The following NEDD4L variants were observed in gnomAD, a reference collection of about 807,000 sequenced individuals.
NEDD4L encodes the protein E3 ubiquitin-protein ligase NEDD4-like.
In NEDD4L, 54 loss-of-function variants were observed where a neutral mutation model predicts 148.9. The ratio of observed to expected loss-of-function variants is 0.36; its 90% CI spans 0.29 to 0.45. The LOEUF (loss-of-function observed/expected upper bound fraction) is 0.45. NEDD4L is among the 20% of genes least tolerant of loss of function. The pLI, the probability that NEDD4L is intolerant of heterozygous loss-of-function variation, is 1.00. For missense variants in NEDD4L, 856 were observed against 1,233.8 expected (o/e 0.69, Z 4.59); for synonymous variants, 433 against 440.7 (o/e 0.98, Z 0.22).
chr18:58,162,373 T>A (rs1338682073), intron 1 of NEDD4L, among the ~76,000 whole-genome samples: 2 of 152,094 alleles, frequency 1.3e-5, no homozygotes, highest in Non-Finnish European at 1.5e-5. Flanking sequence ...CGGGGCTTGC[T>A]GTCAGCTCTT....
rs137924079 is a variant in NEDD4L at position 58,367,590 on chromosome 18, A to G, written c.2064-156A>G. Among the ~76,000 whole-genome samples, 85 of 152,348 alleles carry G rather than the reference A, an allele frequency of 5.6e-4. No individual in the cohort carries two copies. The Middle Eastern group carries it at 0.014, about 24-fold the overall frequency. ...CCTCCATGGTGGGTCACGGTTGAGC[A>G]TGTGGTAAGTCAGGTCCTCTAGCCC... is the stretch of plus-strand genomic sequence containing the variant. On this transcript the variant is annotated intron_variant, in intron 21 of 30. Coordinates refer to ENST00000400345, the MANE Select transcript of NEDD4L (RefSeq NM_001144967.3).
rs1187866337 is a variant in NEDD4L, at chr18:58,387,634, C to G, written c.2547+136C>G. On this transcript the variant is annotated intron_variant, in intron 27 of 30. Coordinates refer to ENST00000400345, the MANE Select transcript of NEDD4L (RefSeq NM_001144967.3). ...TTTAGATGAATTATATTACATGTCT[C>G]TTATAGGGCTTATTTGCCAATGTGG... The G allele has an allele frequency of 1.4e-5, 14 of 993,384 alleles. No individual in the cohort carries two copies. The South Asian group carries it at 1.4e-4, about 10-fold the overall frequency. The allele number at this position is 993,384 out of a possible 1,614,324, so 61.5% of individuals were successfully genotyped here. A position where few individuals can be genotyped will look rare whatever the true frequency, so the allele number is the denominator to read the frequency against.
intron 2 of NEDD4L, among the ~76,000 whole-genome samples, chr18:58,212,582 A>T (rs142083554): frequency 1.3e-5 from 2 of 152,296 alleles, no homozygotes; most frequent in East Asian, 3.9e-4. Context: ...GGATTATTAC[A>T]GTTCAAGGTG....
chr18:58,066,526 G>A (rs1204932569), intron 1 of NEDD4L, among the ~76,000 whole-genome samples: 1 of 151,402 alleles, frequency 6.6e-6, no homozygotes, highest in Admixed American at 6.6e-5. Flanking sequence ...AACCATGTTG[G>A]CCAGGCTGGT....
chr18:58,293,542 C>A (rs2055082383), intron 5 of NEDD4L, among the ~76,000 whole-genome samples: 1 of 152,172 alleles, frequency 6.6e-6, no homozygotes, highest in African/African-American at 2.4e-5. Context: ...TCTGAAGAAT[C>A]CATCAACCAT....
chr18:58,211,215 A>G (rs935735535), intron 2 of NEDD4L, among the ~76,000 whole-genome samples: 3 of 152,254 alleles, frequency 2.0e-5, no homozygotes, highest in Non-Finnish European at 4.4e-5. Flanking sequence ...CTTACATTTT[A>G]CAATTAGTAT....
Position 58,256,428 on chromosome 18 carries a change from G to A in NEDD4L, c.297+4374G>A. ...GGGCCAGGCAGCGACCTCAACTTTGGCTTCACGGGCACAAAGGGGGACAGG... is the reference window on the plus strand; with the variant it reads ...GGGCCAGGCAGCGACCTCAACTTTGACTTCACGGGCACAAAGGGGGACAGG... On this transcript the variant is annotated intron_variant, in intron 5 of 30. Transcript: ENST00000400345. This position sits in a 1 kb window ranked among gnomAD's most constrained non-coding sequence, Gnocchi z 5.2. 8.1e-7 allele frequency: 1 copy of A among 1,232,316 alleles called. No homozygotes were observed. Among genetic ancestry groups the A allele is most frequent in the Non-Finnish European group, 1.0e-6 (1 of 988,080 alleles). The allele number at this position is 1,232,316 out of a possible 1,614,324, so 76.3% of individuals were successfully genotyped here.
intron 16 of NEDD4L, among the ~76,000 whole-genome samples, chr18:58,344,187 C>T (rs1042068337): frequency 6.6e-6 from 1 of 152,200 alleles, no homozygotes; most frequent in African/African-American, 2.4e-5. Flanking sequence ...GATAGACCAG[C>T]AGCCTTATAT....
At chr18:58,194,220 T>C (rs1420324323) in intron 2 of NEDD4L, 1 of 152,208 alleles carries the variant, frequency 6.6e-6, no homozygotes. Flanking sequence ...ACAGAGGAGA[T>C]GGGAGATGGT....
At chr18:58,286,345 T>C (rs1286689255) in intron 5 of NEDD4L, among the ~76,000 whole-genome samples, 1 of 152,348 alleles carries the variant, frequency 6.6e-6, no homozygotes, top group African/African-American at 2.4e-5. Context: ...CAATTTAAGA[T>C]GCTAACTGGA....
In NEDD4L at chr18:58,217,931, C is replaced by T. The variant is rs533973180; in HGVS notation, c.123-27496C>T. Among the ~76,000 whole-genome samples, 19 of 152,264 alleles carry T rather than the reference C, an allele frequency of 1.2e-4. No individual in the cohort carries two copies. The East Asian group carries it at 3.5e-3, about 28-fold the overall frequency. On this transcript the variant is annotated intron_variant, in intron 2 of 30. Coordinates refer to ENST00000400345, the MANE Select transcript of NEDD4L (RefSeq NM_001144967.3). ...TCGTAATGTTATTTTTAAAAACGTA[C>T]TTTTCGAAGGCTGCAGAGTATGGAT... is the stretch of plus-strand genomic sequence containing the variant.
intron 5 of NEDD4L, among the ~76,000 whole-genome samples, chr18:58,286,546 A>G (rs901343760): frequency 6.6e-6 from 1 of 152,112 alleles, no homozygotes; most frequent in Non-Finnish European, 1.5e-5. Context: ...ATTATATTAT[A>G]CTTATCTAGT....
At chr18:58,116,873 G>A (rs955070196) in intron 1 of NEDD4L, among the ~76,000 whole-genome samples, 4 of 152,224 alleles carry the variant, frequency 2.6e-5, no homozygotes, top group African/African-American at 9.6e-5. Context: ...AGCAAGGAGC[G>A]GGGGCTTGGC....
At chr18:58,182,339 A>T (rs1195627916) in intron 2 of NEDD4L, among the ~76,000 whole-genome samples, 1 of 152,148 alleles carries the variant, frequency 6.6e-6, no homozygotes, top group Non-Finnish European at 1.5e-5. Flanking sequence ...AAAACCATGC[A>T]TGTCTTCAGT....
intron 2 of NEDD4L, among the ~76,000 whole-genome samples, chr18:58,207,313 A>C (rs1031458524): frequency 8.0e-6 from 1 of 125,662 alleles, no homozygotes; most frequent in Non-Finnish European, 1.8e-5. Context: ...ACCTTATTTT[A>C]GAGATTTTTT....
intron 24 of NEDD4L, among the ~76,000 whole-genome samples, chr18:58,381,059 A>G (rs564441758): frequency 1.3e-5 from 2 of 152,338 alleles, no homozygotes; most frequent in East Asian, 3.9e-4. Context: ...ACATATATAC[A>G]TAATATATAT....
At chr18:58,127,587 C>T (rs1321349127) in intron 1 of NEDD4L, among the ~76,000 whole-genome samples, 1 of 151,620 alleles carries the variant, frequency 6.6e-6, no homozygotes, top group Non-Finnish European at 1.5e-5. Context: ...CACCTGTGAT[C>T]CCAGCACTTT....
chr18:58,232,470 T>G (rs911388713), intron 2 of NEDD4L, among the ~76,000 whole-genome samples: 6 of 152,230 alleles, frequency 3.9e-5, no homozygotes, highest in Non-Finnish European at 8.8e-5. Context: ...CCAAGACTTT[T>G]AATGCTGATG....
chr18:58,201,735 C>A (rs533507044), intron 2 of NEDD4L, among the ~76,000 whole-genome samples: 3 of 152,154 alleles, frequency 2.0e-5, no homozygotes, highest in Non-Finnish European at 4.4e-5. Context: ...CCTCCATTGC[C>A]CTTTTTGGAA....
Sources: allele counts gnomAD v4.1 joint callset (sites outside exome capture counted in the v4.1 genomes callset), GRCh38; gene constraint gnomAD v4.1.1; non-coding constraint Gnocchi (gnomAD v3.1); transcripts MANE v1.5; gene names NCBI Gene and HGNC (gene_info 2026-07-23, HGNC 2026-07-21).